KLHL20: variants seen among roughly 807,000 people sequenced by gnomAD.
KLHL20 encodes the protein kelch like family member 20, also known as kelch-like protein 20.
KLHL20 carries 29 observed loss-of-function variants against 69.5 expected under a neutral mutation model. That is an observed-to-expected ratio of 0.42 (90% CI 0.31 to 0.57). KLHL20 has a LOEUF of 0.57. Ranked by LOEUF, KLHL20 falls within the 20% of genes least tolerant of loss-of-function variation. The pLI, the probability that KLHL20 is intolerant of heterozygous loss-of-function variation, is 0.18. For missense variants in KLHL20, 419 were observed against 776.0 expected (o/e 0.54, Z 5.47); for synonymous variants, 253 against 265.2 (o/e 0.95, Z 0.45).
At chr1:173,742,896 C>T (rs1186369769) in intron 3 of KLHL20, among the ~76,000 whole-genome samples, 2 of 151,578 alleles carry the variant, frequency 1.3e-5, no homozygotes, top group Admixed American at 6.6e-5. Flanking sequence ...GCAATCCAGA[C>T]ACCATAAAAA....
At chr1:173,768,179 G>T (rs1647853365) in intron 8 of KLHL20, among the ~76,000 whole-genome samples, 3 of 151,916 alleles carry the variant, frequency 2.0e-5, no homozygotes, top group African/African-American at 4.8e-5. Context: ...TTTGTATATA[G>T]ACTCATTAAT....
chr1:173,754,596 A>AC (rs1450272714), intron 5 of KLHL20, among the ~76,000 whole-genome samples: 2 of 151,980 alleles, frequency 1.3e-5, no homozygotes, highest in African/African-American at 4.8e-5. Flanking sequence ...AAAAAAAAAA[A>AC]AAAAAACACA....
At chr1:173,783,582 T>C (rs1649001937) in intron 11 of KLHL20, among the ~76,000 whole-genome samples, 1 of 152,178 alleles carries the variant, frequency 6.6e-6, no homozygotes, top group African/African-American at 2.4e-5. Context: ...AAAGATTTAT[T>C]GATGGCCAGG....
chr1:173,750,335 C>G (rs897550581), intron 3 of KLHL20, among the ~76,000 whole-genome samples: 6 of 152,058 alleles, frequency 3.9e-5, no homozygotes, highest in Admixed American at 2.0e-4. Flanking sequence ...GATATGGCCT[C>G]ACCTGTCTCT....
At chr1:173,755,059 C>CTTT (rs372616022) in intron 5 of KLHL20, among the ~76,000 whole-genome samples, 8 of 133,534 alleles carry the variant, frequency 6.0e-5, no homozygotes, top group East Asian at 2.2e-4. Context: ...AAGTCTTTGT[C>CTTT]TTTTTTTTTT....
rs970802974 is a variant in KLHL20, at chr1:173,737,631, A to G, written c.597+3345A>G. On this transcript the variant is annotated intron_variant, in intron 3 of 11. Coordinates refer to ENST00000209884, the MANE Select transcript of KLHL20 (RefSeq NM_014458.4). ...CTGTTTTGGTGACTATAGCCTTGTAAAATAGTTTGAAATTAGGTAATGTGA... is the reference window on the plus strand; with the variant it reads ...CTGTTTTGGTGACTATAGCCTTGTAGAATAGTTTGAAATTAGGTAATGTGA... Among the ~76,000 whole-genome samples the G allele has an allele frequency of 7.6e-4, 115 of 152,118 alleles. 1 individual carries two copies. The highest frequency in any genetic ancestry group is 2.6e-3 in the African/African-American group (109 of 41,418).
At chr1:173,753,577 C>A (rs1262123838) in intron 5 of KLHL20, among the ~76,000 whole-genome samples, 1 of 151,952 alleles carries the variant, frequency 6.6e-6, no homozygotes, top group Admixed American at 6.6e-5. Flanking sequence ...GATTTTAATG[C>A]AGGCTTGAAT....
chr1:173,774,604 C>T (rs1047956225), intron 9 of KLHL20, among the ~76,000 whole-genome samples, 166 bp downstream of exon 9: 3 of 152,182 alleles, frequency 2.0e-5, no homozygotes, highest in African/African-American at 7.2e-5. Context: ...TCAGCTCCCA[C>T]TGTAGTCATA....
intron 11 of KLHL20, 85 bp downstream of exon 11, chr1:173,782,315 G>C (rs1327936756): frequency 4.0e-6 from 4 of 990,044 alleles, no homozygotes; most frequent in Non-Finnish European, 6.4e-6. Context: ...TCAGAACTGG[G>C]ATGGTCAGTA....
intron 2 of KLHL20, among the ~76,000 whole-genome samples, chr1:173,729,425 GA>G: frequency 6.6e-6 from 1 of 152,074 alleles, no homozygotes; most frequent in Non-Finnish European, 1.5e-5. Flanking sequence ...AACCAAAAAA[GA>G]GAATTTTAGA....
chr1:173,771,082 T>C (rs545901904), intron 8 of KLHL20, among the ~76,000 whole-genome samples: 1 of 152,296 alleles, frequency 6.6e-6, no homozygotes, highest in African/African-American at 2.4e-5. Context: ...ATTGCATGTT[T>C]TAGATATTCA....
chr1:173,775,555 G>A (rs1648401681), intron 9 of KLHL20, 79 bp from the exon 10 acceptor site: 1 of 1,173,652 alleles, frequency 8.5e-7, no homozygotes, highest in Non-Finnish European at 1.3e-6. Context: ...TTATCACAAA[G>A]TATCAGTGGC....
intron 3 of KLHL20, among the ~76,000 whole-genome samples, chr1:173,742,106 A>T (rs902087616): frequency 6.6e-6 from 1 of 152,240 alleles, no homozygotes; most frequent in Non-Finnish European, 1.5e-5. Flanking sequence ...AAAGAAATTC[A>T]GATTCCCCTT....
At chr1:173,741,928 T>A in intron 3 of KLHL20, 1 of 1,078,958 alleles carries the variant, frequency 9.3e-7, no homozygotes, top group Non-Finnish European at 1.4e-6. Flanking sequence ...AAAGCAGCAC[T>A]AAAAGCACTC....
chr1:173,780,931 A>G (rs1571941016), intron 10 of KLHL20, among the ~76,000 whole-genome samples: 2 of 148,754 alleles, frequency 1.3e-5, no homozygotes, highest in South Asian at 2.3e-4. Flanking sequence ...GGGTTTCACT[A>G]TGGTGATCTG....
At chr1:173,746,441 T>G (rs1673062832) in intron 3 of KLHL20, among the ~76,000 whole-genome samples, 1 of 152,166 alleles carries the variant, frequency 6.6e-6, no homozygotes, top group African/African-American at 2.4e-5. Flanking sequence ...GTTTTTCTGT[T>G]TCTTCTATGA....
chr1:173,736,848 G>T (rs1488313643), intron 3 of KLHL20, among the ~76,000 whole-genome samples: 2 of 152,030 alleles, frequency 1.3e-5, no homozygotes, highest in African/African-American at 4.8e-5. Context: ...TGCCCGCCTT[G>T]GCCTCCCAAA....
chr1:173,732,506 C>T (rs1035716660), intron 2 of KLHL20, among the ~76,000 whole-genome samples: 1 of 152,086 alleles, frequency 6.6e-6, no homozygotes, highest in East Asian at 1.9e-4. Context: ...AGCAGTGATG[C>T]GTATCTATAC....
chr1:173,720,101 G>A (rs1261821737), intron 2 of KLHL20, among the ~76,000 whole-genome samples: 1 of 152,176 alleles, frequency 6.6e-6, no homozygotes, highest in Non-Finnish European at 1.5e-5. Flanking sequence ...CAGCCCGGAT[G>A]ACAGGGCGAG....
Sources: gnomAD v4.1 joint callset for allele counts (sites outside exome capture counted in the v4.1 genomes callset) on GRCh38, gnomAD v4.1.1 for gene constraint, MANE v1.5 for transcripts, NCBI Gene and HGNC (gene_info 2026-07-23, HGNC 2026-07-21) for gene names.